SEPTIN10: variants seen among roughly 807,000 people sequenced by gnomAD.
The protein encoded by SEPTIN10 is septin-10.
In SEPTIN10, 66 loss-of-function variants were observed where a neutral mutation model predicts 54.8. That is an observed-to-expected ratio of 1.21 (90% confidence interval 0.99 to 1.48). The LOEUF (loss-of-function observed/expected upper bound fraction) is 1.48, where lower values mean the gene tolerates loss of function less well. SEPTIN10 is among the 40% of genes most tolerant of loss of function. The probability of loss-of-function intolerance (pLI) is 0.00; values close to 1 mark genes in which losing one functional copy is unlikely to be tolerated. For missense variants in SEPTIN10, 620 were observed against 545.6 expected (o/e 1.14, Z -1.36); for synonymous variants, 161 against 181.0 (o/e 0.89, Z 0.89).
chr2:109,582,784 A>G (rs556832982), intron 4 of SEPTIN10, among the ~76,000 whole-genome samples: 1 of 152,370 alleles, frequency 6.6e-6, no homozygotes, highest in Non-Finnish European at 1.5e-5. Flanking sequence ...ACTATACTAT[A>G]AGGCTACAGT....
At chr2:109,605,367 G>C (rs1484114044) in intron 1 of SEPTIN10, 1 of 152,120 alleles carries the variant, frequency 6.6e-6, no homozygotes, top group Non-Finnish European at 1.5e-5. Flanking sequence ...CTACTCAGGA[G>C]GCTGAGGCAG....
chr2:109,603,227 CATT>C (rs1007460942), intron 1 of SEPTIN10, among the ~76,000 whole-genome samples: 140 of 151,946 alleles, frequency 9.2e-4, no homozygotes, highest in African/African-American at 3.4e-3. Flanking sequence ...TTATTATTAT[CATT>C]ATTAATATTA....
intron 6 of SEPTIN10, 144 bp from the exon 7 acceptor site, chr2:109,566,003 T>A (rs1686925733): frequency 1.4e-6 from 1 of 714,636 alleles, no homozygotes; most frequent in African/African-American, 1.8e-5. Context: ...TTTTAAAACC[T>A]GCCAGTGAAT....
chr2:109,570,918 G>A (rs1297703783), intron 5 of SEPTIN10, among the ~76,000 whole-genome samples: 2 of 152,308 alleles, frequency 1.3e-5, no homozygotes, highest in African/African-American at 2.4e-5. Context: ...TAACCATGGC[G>A]ACATGGTTTG....
intron 2 of SEPTIN10, among the ~76,000 whole-genome samples, chr2:109,591,286 A>T (rs1694018088): frequency 6.6e-6 from 1 of 152,162 alleles, no homozygotes. Flanking sequence ...GGCCTCTAGG[A>T]TCCCTTCTAG....
At chr2:109,599,202 A>G (rs1696008797) in intron 1 of SEPTIN10, among the ~76,000 whole-genome samples, 2 of 152,170 alleles carry the variant, frequency 1.3e-5, no homozygotes, top group African/African-American at 4.8e-5. Context: ...TCACACCTGT[A>G]ACCCCAGCAC....
intron 10 of SEPTIN10, chr2:109,545,585 T>G: frequency 6.5e-7 from 1 of 1,534,212 alleles, no homozygotes; most frequent in Non-Finnish European, 8.7e-7. Context: ...ATCAGTAGAA[T>G]TTGTTCTAAA....
intron 1 of SEPTIN10, among the ~76,000 whole-genome samples, chr2:109,610,254 A>G (rs141277701): frequency 1.1e-4 from 17 of 152,132 alleles, no homozygotes; most frequent in Non-Finnish European, 2.2e-4. Flanking sequence ...AAGCCCAGCT[A>G]ATTTCCTGTA....
At chr2:109,567,302 T>C (rs960834023) in intron 6 of SEPTIN10, among the ~76,000 whole-genome samples, 5 of 152,186 alleles carry the variant, frequency 3.3e-5, no homozygotes. Context: ...CCAGGTGTTT[T>C]AAAAATGTGT....
At chr2:109,610,708 T>C (rs946240095) in intron 1 of SEPTIN10, among the ~76,000 whole-genome samples, 1 of 151,840 alleles carries the variant, frequency 6.6e-6, no homozygotes. Context: ...AAAGCGACAT[T>C]CCGTCTTCAA....
chr2:109,612,876 G>T (rs2106400782), intron 1 of SEPTIN10, among the ~76,000 whole-genome samples: 1 of 152,264 alleles, frequency 6.6e-6, no homozygotes, highest in African/African-American at 2.4e-5. Context: ...TGTCACTTTG[G>T]ACGGATCCTC....
chr2:109,568,090 C>G (rs543070725), intron 5 of SEPTIN10, 114 bp from the exon 6 acceptor site: 1 of 795,776 alleles, frequency 1.3e-6, no homozygotes, highest in Admixed American at 2.9e-5. Context: ...AAACCTAGAT[C>G]GGGGGGCTGG....
chr2:109,554,752 T>C (rs935047238), intron 8 of SEPTIN10, among the ~76,000 whole-genome samples: 2 of 152,200 alleles, frequency 1.3e-5, no homozygotes, highest in Admixed American at 6.5e-5. Flanking sequence ...TTCAGCCTCA[T>C]ATATGTAACA....
At chr2:109,606,702 T>G (rs948302280) in intron 1 of SEPTIN10, among the ~76,000 whole-genome samples, 8 of 110,234 alleles carry the variant, frequency 7.3e-5, no homozygotes, top group African/African-American at 2.9e-4. Flanking sequence ...TTTTTTGAGA[T>G]GGAGTCTCAC....
intron 1 of SEPTIN10, chr2:109,613,195 C>T: frequency 7.8e-7 from 1 of 1,286,996 alleles, no homozygotes; most frequent in South Asian, 1.2e-5. Context: ...AAACCGCTGG[C>T]TTACTAACAA....
At chr2:109,606,644 A>G (rs1398760193) in intron 1 of SEPTIN10, among the ~76,000 whole-genome samples, 117 of 2,340 alleles carry the variant, frequency 0.05, no homozygotes, top group Non-Finnish European at 0.1. Context: ...CCTTTTATTA[A>G]AAAAAAAATT....
Position 109,569,938 on chromosome 2 carries a change from A to G in SEPTIN10, c.601-1962T>C, listed in dbSNP as rs186746784. ...ATCTGGAGGTGGCCTGGGGAGTGGC[A>G]AGATGAGGTCAGCAAGGACACCACC... On this transcript the variant is annotated intron_variant, in intron 5 of 10. Transcript: ENST00000397712. 1.7e-4 allele frequency among the ~76,000 whole-genome samples: 26 copies of G among 152,202 alleles called. No homozygotes were observed. In the East Asian group the frequency reaches 4.6e-3, roughly 27 times the overall value.
At chr2:109,548,689 T>C (rs1681983714) in intron 9 of SEPTIN10, among the ~76,000 whole-genome samples, 2 of 141,100 alleles carry the variant, frequency 1.4e-5, no homozygotes, top group African/African-American at 2.6e-5. Context: ...GACAGGAGAA[T>C]TGCCTGAAGC....
intron 9 of SEPTIN10, among the ~76,000 whole-genome samples, chr2:109,552,193 T>A (rs906802586): frequency 6.6e-6 from 1 of 152,166 alleles, no homozygotes; most frequent in African/African-American, 2.4e-5. Flanking sequence ...CCTGAAACCA[T>A]CTCCCCTGGT....
Sources: allele counts gnomAD v4.1 joint callset (sites outside exome capture counted in the v4.1 genomes callset), GRCh38; gene constraint gnomAD v4.1.1; transcripts MANE v1.5; gene names NCBI Gene and HGNC (gene_info 2026-07-23, HGNC 2026-07-21).